TEX15: variants seen among roughly 807,000 people sequenced by gnomAD.
The protein encoded by TEX15 is testis-expressed protein 15.
In TEX15, 171 loss-of-function variants were observed where a neutral mutation model predicts 237.3. That is an observed-to-expected ratio of 0.72 (90% CI 0.64 to 0.82). The LOEUF is 0.82. Ranked by LOEUF, TEX15 falls within the 40% of genes least tolerant of loss-of-function variation. The probability of loss-of-function intolerance (pLI) is 0.00; values close to 1 mark genes in which losing one functional copy is unlikely to be tolerated. For synonymous variants in TEX15, 1,338 were observed against 1,269.8 expected (o/e 1.05, Z -1.14); for missense variants, 3,750 against 3,646.5 (o/e 1.03, Z -0.73).
chr8:30,865,949 A>G (rs1206092301), intron 5 of TEX15, among the ~76,000 whole-genome samples: 1 of 152,202 alleles, frequency 6.6e-6, no homozygotes, highest in Non-Finnish European at 1.5e-5. Context: ...CAGAGCAATC[A>G]GGCAAGTGAA....
At chr8:30,896,698 T>C (rs1808912871) in intron 2 of TEX15, among the ~76,000 whole-genome samples, 2 of 152,172 alleles carry the variant, frequency 1.3e-5, no homozygotes, top group Non-Finnish European at 2.9e-5. Flanking sequence ...AGATATGCAG[T>C]ATCAAAAGAA....
intron 5 of TEX15, among the ~76,000 whole-genome samples, chr8:30,865,089 A>C (rs538034246): frequency 7.5e-4 from 114 of 152,212 alleles, no homozygotes; most frequent in African/African-American, 2.1e-3. Context: ...AGACTAAGAA[A>C]ATAAGACAGA....
Position 30,837,068 on chromosome 8 carries a change from A to G in TEX15, c.9216T>C (p.Ser3072=). The G allele has an allele frequency of 1.9e-6, 3 of 1,614,204 alleles. No homozygotes were observed. Among genetic ancestry groups the G allele is most frequent in the Non-Finnish European group, 2.5e-6 (3 of 1,180,034 alleles). ...CAACTGTGGTCAACAGCCCAGAAGG[A>G]GATGGCTGTACTTCATATGATGTTA... ...QGITSYEVQP[S]PSGLLTTVAS... is the part of the protein sequence containing the mutation. The change falls in exon 10 of 11, where the codon TCT becomes TCC. Residue 3072 remains serine (S), a synonymous_variant. Coordinates refer to ENST00000643185, the MANE Select transcript of TEX15 (RefSeq NM_001350162.2).
At chr8:30,899,518 A>G (rs1172983353) in intron 1 of TEX15, among the ~76,000 whole-genome samples, 1 of 152,126 alleles carries the variant, frequency 6.6e-6, no homozygotes, top group African/African-American at 2.4e-5. Flanking sequence ...ATTTTGGCTC[A>G]CGGCTCACTG....
In TEX15 at chr8:30,849,024, A is replaced by C. The variant is rs772648196; in HGVS notation, c.1143T>G (p.Ile381Met). The C allele has an allele frequency of 1.9e-6, 3 of 1,614,172 alleles. No individual in the cohort carries two copies. In the African/African-American group the frequency reaches 4.0e-5, roughly 22 times the overall value. Reference sequence around the variant, plus strand: ...CTTTGGCATCACTGGGCATAAGTGAAATGTCTGAATCATGTGCAAGTACTT... The same window carrying C: ...CTTTGGCATCACTGGGCATAAGTGACATGTCTGAATCATGTGCAAGTACTT... ...TSQVLAHDSD[I>M]SLMPSDAKDS... is the part of the protein sequence containing the mutation. Residue 381 changes from isoleucine (I) to methionine (M), a missense_variant, in exon 8 of 11, where the codon ATT becomes ATG. Ile to Met is a conservative substitution (Grantham distance 10). Coordinates refer to ENST00000643185, the MANE Select transcript of TEX15 (RefSeq NM_001350162.2).
At chr8:30,889,954 C>CGTATATATATATATATATATACGTATAT (rs767323464) in intron 2 of TEX15, among the ~76,000 whole-genome samples, 4 of 110,080 alleles carry the variant, frequency 3.6e-5, no homozygotes, top group African/African-American at 1.3e-4. Flanking sequence ...TATATATATA[C>CGTATATATATATATATATATACGTATAT]ATATATATAT....
chr8:30,864,504 T>C (rs952678130), intron 5 of TEX15, among the ~76,000 whole-genome samples: 1 of 150,124 alleles, frequency 6.7e-6, no homozygotes, highest in African/African-American at 2.5e-5. Context: ...TTTGAAGCTA[T>C]GTCCTCAGGG....
At chr8:30,869,630 A>G (rs896015725) in intron 4 of TEX15, among the ~76,000 whole-genome samples, 1 of 151,960 alleles carries the variant, frequency 6.6e-6, no homozygotes, top group African/African-American at 2.4e-5. Context: ...CCAATCACCT[A>G]AAGATCCTAG....
At position 30,842,125 on chromosome 8, in the gene TEX15, G is replaced by C. The variant is rs1198909594; in HGVS notation, c.8042C>G (p.Ser2681Ter). ...FSISTMLPPV[S>*]ECINKNISNS... ...TGAGATGTTTTTGTTTATGCACTCT[G>C]ATACTGGGGGCAACATCGTAGAAAT... The change falls in exon 8 of 11, where the codon TCA becomes TGA. Residue 2681 changes from serine to a stop codon, truncating the protein, a stop_gained. Transcript: ENST00000643185. LOFTEE classifies it high-confidence loss of function. The C allele has an allele frequency of 5.0e-6, 8 of 1,613,508 alleles. No individual in the cohort carries two copies. In the South Asian group the frequency reaches 8.8e-5, roughly 18 times the overall value.
Position 30,844,944 on chromosome 8 carries a change from T to C in TEX15, c.5223A>G (p.Arg1741=). 1.2e-6 allele frequency: 2 copies of C among 1,613,524 alleles called. No individual in the cohort carries two copies. The highest frequency in any genetic ancestry group is 1.6e-4 in the Middle Eastern group (1 of 6,062). Residue 1741 remains arginine (R), a synonymous_variant, in exon 8 of 11, where the codon AGA becomes AGG. Transcript: ENST00000643185. ...CTGCAAAAGAATCTACAGTAAGAAT[T>C]CTCTGCTTATCCAAGTAAGATTTTG... is the stretch of plus-strand genomic sequence containing the variant. ...ESSKSYLDKQ[R]ILTVDSFAAS... is the part of the protein sequence containing the mutation.
Position 30,860,027 on chromosome 8 carries a change from G to C in TEX15, c.571C>G (p.Pro191Ala). The change falls in exon 6 of 11, where the codon CCT becomes GCT. Residue 191 changes from proline to alanine, a missense_variant. Pro to Ala is a conservative substitution (Grantham distance 27). Coordinates refer to ENST00000643185, the MANE Select transcript of TEX15 (RefSeq NM_001350162.2). ...GAAACTTTATTTTTATCCACAGAAGGTTGGATTTTCTTCACTTTTCCAAAG... is the reference window on the plus strand; with the variant it reads ...GAAACTTTATTTTTATCCACAGAAGCTTGGATTTTCTTCACTTTTCCAAAG... ...VLFGKVKKIQPSVDKNKVSLD... is the reference protein window; with the variant it reads ...VLFGKVKKIQASVDKNKVSLD... The C allele has an allele frequency of 6.7e-7, 1 of 1,482,142 alleles. No homozygotes were observed. The highest frequency in any genetic ancestry group is 8.9e-7 in the Non-Finnish European group (1 of 1,127,112). 91.8% of individuals were successfully genotyped at this position (1,482,142 alleles called of 1,614,324 possible).
chr8:30,892,337 T>C (rs1205079917), intron 2 of TEX15, among the ~76,000 whole-genome samples: 7 of 152,224 alleles, frequency 4.6e-5, no homozygotes, highest in Non-Finnish European at 8.8e-5. Flanking sequence ...CTCTGTTTCA[T>C]TGGTGTCTTT....
chr8:30,847,054 GATTT>G lies in TEX15; in HGVS notation c.3109_3112del (p.Lys1037HisfsTer9). The G allele has an allele frequency of 1.2e-6, 2 of 1,612,684 alleles. No individual in the cohort carries two copies. Among genetic ancestry groups the G allele is most frequent in the Non-Finnish European group, 1.7e-6 (2 of 1,179,236 alleles). On this transcript the variant is annotated frameshift_variant, in exon 8 of 11. Coordinates refer to ENST00000643185, the MANE Select transcript of TEX15 (RefSeq NM_001350162.2). LOFTEE classifies it high-confidence loss of function. ...TATTGATTGATGAAATGATTCTTGT[GATTT>G]ATTTTTATCCGTATCAATTTCACAA...
chr8:30,907,944 G>C (rs1809143373), intron 1 of TEX15, among the ~76,000 whole-genome samples: 1 of 151,780 alleles, frequency 6.6e-6, no homozygotes, highest in Admixed American at 6.6e-5. Flanking sequence ...TTCTATAAAA[G>C]AATTCATCGC....
intron 5 of TEX15, among the ~76,000 whole-genome samples, chr8:30,860,985 AC>A (rs1808038764): frequency 6.6e-6 from 1 of 152,116 alleles, no homozygotes; most frequent in Non-Finnish European, 1.5e-5. Context: ...ACTTGCAATT[AC>A]ACATATAAAA....
In TEX15 at chr8:30,837,553, T is replaced by C. The variant is rs147016210; in HGVS notation, c.8731A>G (p.Met2911Val). The change falls in exon 10 of 11, where the codon ATG becomes GTG. Residue 2911 changes from methionine to valine, a missense_variant. Met to Val is a conservative substitution (Grantham distance 21, BLOSUM62 1). Coordinates refer to ENST00000643185, the MANE Select transcript of TEX15 (RefSeq NM_001350162.2). ...FVKDVHPDLEMNDTVFELQDN... is the reference protein window; with the variant it reads ...FVKDVHPDLEVNDTVFELQDN... The stretch of plus-strand genomic sequence containing the variant: ...TGAAGTTCAAAGACTGTGTCATTCA[T>C]TTCTAGATCAGGATGGACATCTTTC... The C allele has an allele frequency of 9.9e-6, 16 of 1,613,916 alleles. No homozygotes were observed. Among genetic ancestry groups the C allele is most frequent in the Non-Finnish European group, 1.3e-5 (15 of 1,179,970 alleles).
intron 3 of TEX15, among the ~76,000 whole-genome samples, chr8:30,881,018 CCTG>C (rs1243497927): frequency 1.3e-5 from 2 of 152,006 alleles, no homozygotes; most frequent in South Asian, 4.2e-4. Context: ...AATCTGAATA[CCTG>C]CTAATTCCTC....
chr8:30,837,001 G>A lies in TEX15; in HGVS notation c.9283C>T (p.Gln3095Ter), dbSNP rs758218053. 17 of 1,613,978 alleles carry A rather than the reference G, an allele frequency of 1.1e-5. No individual in the cohort carries two copies. The highest frequency in any genetic ancestry group is 1.3e-5 in the Non-Finnish European group (15 of 1,180,030). ...TCCCCCGCAAAATAAGTAAAATATT[G>A]AGAGTACAGAAGATTAGAATGTGTG... Reference protein sequence around the residue: ...QGTHSNLLYSQYFTYFAGEPQ... With the variant: ...QGTHSNLLYS The change falls in exon 10 of 11, where the codon CAA becomes TAA. Residue 3095 changes from glutamine (Q) to a stop codon, truncating the protein, a stop_gained. Transcript: ENST00000643185. LOFTEE classifies it high-confidence loss of function.
chr8:30,847,281 C>A lies in TEX15; in HGVS notation c.2886G>T (p.Glu962Asp). ...TGGGAAATGTCGTGGAAGCCAAATG[C>A]TCTACACTTCTTCCAGTATTTTCAG... ...KDTENTGRSV[E>D]HLASTTFPKT... Residue 962 changes from glutamate (E) to aspartate (D), a missense_variant, in exon 8 of 11, where the codon GAG becomes GAT. By Grantham distance (45) the Glu-to-Asp change is conservative. Coordinates refer to ENST00000643185, the MANE Select transcript of TEX15 (RefSeq NM_001350162.2). 1 of 1,613,790 alleles carries A rather than the reference C, an allele frequency of 6.2e-7. No individual in the cohort carries two copies. The highest frequency in any genetic ancestry group is 1.1e-5 in the South Asian group (1 of 91,058).
Sources: allele counts gnomAD v4.1 joint callset (sites outside exome capture counted in the v4.1 genomes callset), GRCh38; gene constraint gnomAD v4.1.1; transcripts MANE v1.5; gene names NCBI Gene and HGNC (gene_info 2026-07-23, HGNC 2026-07-21).